The following TFAP2A variants were observed in gnomAD, a reference collection of about 807,000 sequenced individuals.
The protein encoded by TFAP2A is transcription factor AP-2 alpha, also known as transcription factor AP-2-alpha.
In TFAP2A, 7 loss-of-function variants were observed where a neutral mutation model predicts 41.5. That is an observed-to-expected ratio of 0.17 (90% CI 0.10 to 0.32). The LOEUF (loss-of-function observed/expected upper bound fraction) is 0.32, where lower values mean the gene tolerates loss of function less well. Among genes scored for constraint, TFAP2A ranks in the 10% least tolerant of loss-of-function variants. TFAP2A has a pLI of 1.00. For missense variants in TFAP2A, 416 were observed against 563.3 expected (o/e 0.74, Z 2.65); for synonymous variants, 247 against 242.8 (o/e 1.02, Z -0.16).
intron 1 of TFAP2A, chr6:10,411,664 C>A: frequency 6.2e-7 from 1 of 1,610,294 alleles, no homozygotes; most frequent in Non-Finnish European, 8.5e-7. Flanking sequence ...CCCGGCTGCC[C>A]CGCCGCCCGA....
chr6:10,398,287 G>GGCGGCGGCGGCA lies in TFAP2A; in HGVS notation c.*118_*129dup. ...GGGGGGACCCAAGGGCAGCGGCGGC[G>GGCGGCGGCGGCA]GCGGCGGCGGCAGCAGCAGCAGCAG... On this transcript the variant is annotated 3_prime_UTR_variant, in exon 7 of 7. Coordinates refer to ENST00000379613, the MANE Select transcript of TFAP2A (RefSeq NM_001372066.1). The surrounding 1 kb of genome is among the most constrained non-coding windows in gnomAD (Gnocchi z 5.3). 1.3e-6 allele frequency: 2 copies of GGCGGCGGCGGCA among 1,583,036 alleles called. No homozygotes were observed. The highest frequency in any genetic ancestry group is 1.7e-6 in the Non-Finnish European group (2 of 1,168,552).
At chr6:10,414,736 G>A in intron 1 of TFAP2A, 1 of 731,356 alleles carries the variant, frequency 1.4e-6, no homozygotes, top group African/African-American at 1.7e-5. Flanking sequence ...CTTCAAAGTA[G>A]GGAAACCAAA....
chr6:10,411,606 G>A, intron 1 of TFAP2A: 1 of 1,614,060 alleles, frequency 6.2e-7, no homozygotes, highest in Admixed American at 1.7e-5. Context: ...TCTGCGAAGA[G>A]TCTGGGGTAA....
intron 4 of TFAP2A, among the ~76,000 whole-genome samples, chr6:10,403,007 A>G (rs959826015): frequency 2.6e-5 from 4 of 152,246 alleles, no homozygotes; most frequent in African/African-American, 9.6e-5. Context: ...TTTGCAAGAT[A>G]TGCTGTTAGG....
intron 1 of TFAP2A, chr6:10,411,791 A>T: frequency 3.5e-6 from 5 of 1,446,910 alleles, no homozygotes; most frequent in Non-Finnish European, 4.5e-6. Flanking sequence ...TGAACCACCG[A>T]TTCGCGCGGC....
At chr6:10,409,851 G>A (rs776989037) in intron 2 of TFAP2A, 50 bp downstream of exon 2, 2 of 1,540,638 alleles carry the variant, frequency 1.3e-6, no homozygotes, top group Admixed American at 2.0e-5. Context: ...TTCTGGGGTA[G>A]GTAAGTAGGG....
At chr6:10,410,399 A>G (rs1757909980) in intron 1 of TFAP2A, 64 bp from the exon 2 acceptor site, 2 of 1,494,236 alleles carry the variant, frequency 1.3e-6, no homozygotes, top group South Asian at 2.4e-5. Flanking sequence ...AACTATCCAC[A>G]CAAAATCCAC....
intron 1 of TFAP2A, 46 bp from the exon 2 acceptor site, chr6:10,410,381 C>G: frequency 6.5e-7 from 1 of 1,541,096 alleles, no homozygotes; most frequent in Non-Finnish European, 8.8e-7. Context: ...AATCAGGCGT[C>G]GAGCTACAAC....
rs534326129 is a variant in TFAP2A, at chr6:10,410,445, T to C, written c.52-110A>G. ...TGCGTGGGAAATCGCCCGTTCCCGT[T>C]GGCTGGCCGCCGGGAAAAAATCAGC... On this transcript the variant is annotated intron_variant, in intron 1 of 6. Coordinates refer to ENST00000379613, the MANE Select transcript of TFAP2A (RefSeq NM_001372066.1). 1.2e-4 allele frequency: 139 copies of C among 1,120,846 alleles called. 1 individual carries two copies. The South Asian group carries it at 1.5e-3, about 12-fold the overall frequency. The allele number at this position is 1,120,846 out of a possible 1,614,324, so 69.4% of individuals were successfully genotyped here.
intron 1 of TFAP2A, chr6:10,412,385 AAAGT>A: frequency 5.3e-6 from 4 of 756,210 alleles, no homozygotes; most frequent in Non-Finnish European, 6.4e-6. Flanking sequence ...TGTGAGAAAG[AAAGT>A]GTGGGCGAGG....
upstream of TFAP2A, chr6:10,417,116 C>T (rs985907323): frequency 3.9e-5 from 6 of 152,418 alleles, no homozygotes; most frequent in African/African-American, 1.4e-4. Context: ...CTGAGCAGGC[C>T]AAACCCTAGG....
intron 5 of TFAP2A, among the ~76,000 whole-genome samples, chr6:10,401,637 C>G (rs1450753661): frequency 6.6e-6 from 1 of 152,166 alleles, no homozygotes; most frequent in East Asian, 1.9e-4. Flanking sequence ...TATATACATG[C>G]TAGTTTTAAA....
intron 2 of TFAP2A, among the ~76,000 whole-genome samples, chr6:10,408,363 G>C (rs1386217339): frequency 6.6e-6 from 1 of 152,174 alleles, no homozygotes; most frequent in Non-Finnish European, 1.5e-5. Flanking sequence ...GAGTATACAG[G>C]TGTTAAGAAT....
upstream of TFAP2A, chr6:10,415,092 G>A (rs573396734): frequency 1.4e-5 from 23 of 1,608,018 alleles, no homozygotes; most frequent in East Asian, 4.7e-4. Flanking sequence ...AGCGCAGGAG[G>A]AGGAGGAGGA....
At chr6:10,412,622 G>A (rs1274146978) in intron 1 of TFAP2A, 2 of 262,062 alleles carry the variant, frequency 7.6e-6, no homozygotes, top group South Asian at 2.9e-5. Flanking sequence ...AGCGGGGGTC[G>A]TGCGTAGCGG....
At chr6:10,409,096 A>G (rs902949561) in intron 2 of TFAP2A, 9 of 152,268 alleles carry the variant, frequency 5.9e-5, no homozygotes, top group African/African-American at 2.2e-4. Flanking sequence ...AATTCCAGAA[A>G]GTATTTTCAA....
chr6:10,410,546 C>CA lies in TFAP2A; in HGVS notation c.52-212dup, dbSNP rs371494261. ...AGAGAAACTGTATATGGAGGGGGCACAAGAGACTATTTAGGGGTTTCTTTC... is the reference window on the plus strand; with the variant it reads ...AGAGAAACTGTATATGGAGGGGGCACAAAGAGACTATTTAGGGGTTTCTTTC... On this transcript the variant is annotated intron_variant, in intron 1 of 6. Coordinates refer to ENST00000379613, the MANE Select transcript of TFAP2A (RefSeq NM_001372066.1). Among the ~76,000 whole-genome samples the CA allele has an allele frequency of 2.6e-4, 40 of 152,134 alleles. No individual in the cohort carries two copies. In the East Asian group the frequency reaches 4.3e-3, roughly 16 times the overall value.
At chr6:10,407,710 A>G (rs1236894280) in intron 2 of TFAP2A, 1 of 152,006 alleles carries the variant, frequency 6.6e-6, no homozygotes, top group Non-Finnish European at 1.5e-5. Context: ...TTAAAAAACT[A>G]TTGCTTCCTT....
upstream of TFAP2A, among the ~76,000 whole-genome samples, chr6:10,417,585 T>TG (rs1443576803): frequency 6.6e-6 from 1 of 151,720 alleles, no homozygotes; most frequent in East Asian, 1.9e-4. Flanking sequence ...AGGCCTGACG[T>TG]GGGGGGCATA....
Sources: gnomAD v4.1 joint callset for allele counts (sites outside exome capture counted in the v4.1 genomes callset) on GRCh38, gnomAD v4.1.1 for gene constraint, Gnocchi (gnomAD v3.1) non-coding constraint, MANE v1.5 for transcripts, NCBI Gene and HGNC (gene_info 2026-07-23, HGNC 2026-07-21) for gene names.